Variants in TTC7A observed in about 807,000 individuals in gnomAD.
TTC7A encodes the protein tetratricopeptide repeat protein 7A.
In TTC7A, 110 loss-of-function variants were observed where a neutral mutation model predicts 103.7. That is an observed-to-expected ratio of 1.06 (90% CI 0.91 to 1.24). The LOEUF (loss-of-function observed/expected upper bound fraction) is 1.24. TTC7A is among the 50% of genes most tolerant of loss of function. The pLI is 0.00. For missense variants in TTC7A, 1,340 were observed against 1,116.3 expected, an observed-to-expected ratio of 1.20 and a Z score of -2.86; for synonymous variants, 521 against 467.9, an observed-to-expected ratio of 1.11 and a Z score of -1.47.
chr2:46,915,906 G>A (rs1490097544), upstream of TTC7A: 2 of 985,062 alleles, frequency 2.0e-6, no homozygotes, highest in South Asian at 4.7e-5. Context: ...GCGGCGGGCT[G>A]TGAGGACGGC....
chr2:46,922,659 G>T (rs1331915191), intron 2 of TTC7A, among the ~76,000 whole-genome samples: 1 of 151,944 alleles, frequency 6.6e-6, no homozygotes, highest in African/African-American at 2.4e-5. Flanking sequence ...GTGAGAGGTA[G>T]AAACCACTCA....
chr2:47,056,559 G>A (rs964166502), intron 18 of TTC7A, among the ~76,000 whole-genome samples: 7 of 152,240 alleles, frequency 4.6e-5, no homozygotes, highest in East Asian at 3.9e-4. Context: ...CCCCCTGCCC[G>A]GGGTGGGAGA....
chr2:46,950,572 C>G (rs563531351), intron 2 of TTC7A, 46 bp downstream of exon 2: 8 of 1,598,300 alleles, frequency 5.0e-6, no homozygotes, highest in Admixed American at 3.5e-5. Flanking sequence ...CCTCGTCTGT[C>G]TTGCCTCGCA....
Position 46,941,812 on chromosome 2 carries a change from C to T in TTC7A, c.184+87C>T. The T allele has an allele frequency of 2.7e-6, 4 of 1,504,982 alleles. No individual in the cohort carries two copies. The highest frequency in any genetic ancestry group is 2.3e-4 in the Middle Eastern group (1 of 4,282). 93.2% of individuals were successfully genotyped at this position (1,504,982 alleles called of 1,614,324 possible). ...GGAAGCGCGCCCAGACAGTCCTCGG[C>T]CGACAGCGGGCGCCTGCCAGCCCAC... On this transcript the variant is annotated intron_variant, in intron 1 of 19. Transcript: ENST00000319190. The surrounding 1 kb of genome is among the most constrained non-coding windows in gnomAD (Gnocchi z 4.2).
At chr2:47,006,138 C>T in intron 9 of TTC7A, 79 bp downstream of exon 9, 1 of 1,550,834 alleles carries the variant, frequency 6.4e-7, no homozygotes, top group Non-Finnish European at 8.8e-7. Flanking sequence ...CCATTTGTCC[C>T]TTCTCCACCT....
At position 47,073,753 on chromosome 2, in the gene TTC7A, C is replaced by T. The variant is rs374843304; in HGVS notation, c.2407C>T (p.Arg803Cys). ...CAAGAGCTTGGCCCAGAAGGTGCTT[C>T]GTGATGCCGTGGAGAGGCAGAGTAC... is the stretch of plus-strand genomic sequence containing the variant. ...GHKSLAQKVL[R>C]DAVERQSTCH... Residue 803 changes from arginine (R) to cysteine (C), a missense_variant, in exon 20 of 20, where the codon CGT becomes TGT. Coordinates refer to ENST00000319190, the MANE Select transcript of TTC7A (RefSeq NM_020458.4). 2.2e-5 allele frequency: 35 copies of T among 1,613,690 alleles called. No homozygotes were observed. In the African/African-American group the frequency reaches 3.3e-4, roughly 15 times the overall value.
chr2:47,046,785 A>G (rs180670954), intron 16 of TTC7A: 7 of 268,908 alleles, frequency 2.6e-5, no homozygotes, highest in African/African-American at 4.4e-5. Flanking sequence ...CAGTGAGGAA[A>G]CTCAGACACA....
intron 2 of TTC7A, among the ~76,000 whole-genome samples, chr2:46,921,443 C>G (rs898893925): frequency 1.3e-5 from 2 of 152,146 alleles, no homozygotes; most frequent in Non-Finnish European, 2.9e-5. Context: ...AAGTCTAATT[C>G]AGTTATTGAA....
intron 3 of TTC7A, chr2:46,974,647 TA>T: frequency 2.1e-6 from 1 of 469,966 alleles, no homozygotes; most frequent in Non-Finnish European, 4.2e-6. Flanking sequence ...AAGAAAAAAA[TA>T]AATTTTTTTA....
chr2:47,027,652 A>G (rs1217777341), intron 14 of TTC7A, among the ~76,000 whole-genome samples: 1 of 152,244 alleles, frequency 6.6e-6, no homozygotes, highest in Non-Finnish European at 1.5e-5. Flanking sequence ...GGACCCCTCC[A>G]CTTGCCAAAA....
chr2:47,069,606 C>T (rs2692221), intron 19 of TTC7A, among the ~76,000 whole-genome samples: 79,793 of 152,064 alleles, frequency 0.52, 23,116 homozygotes, highest in Non-Finnish European at 0.66. Context: ...GCCCTGGCTC[C>T]AGGAGGCCTG....
At chr2:46,925,762 T>C (rs1000685787) in intron 2 of TTC7A, among the ~76,000 whole-genome samples, 6 of 152,156 alleles carry the variant, frequency 3.9e-5, no homozygotes. Context: ...GGAAAGACCA[T>C]GTTAACCCCC....
chr2:47,061,009 C>T (rs1683739742), intron 19 of TTC7A, 38 bp downstream of exon 19: 1 of 1,543,976 alleles, frequency 6.5e-7, no homozygotes, highest in Admixed American at 1.9e-5. Context: ...CACCTCCTCC[C>T]ACAGCCTCAG....
At chr2:46,984,125 G>C (rs1022026296) in intron 5 of TTC7A, among the ~76,000 whole-genome samples, 2 of 152,238 alleles carry the variant, frequency 1.3e-5, no homozygotes, top group African/African-American at 4.8e-5. Flanking sequence ...GGGAAATCGA[G>C]GCACGGGGAA....
intron 19 of TTC7A, among the ~76,000 whole-genome samples, chr2:47,071,995 C>G (rs935932424): frequency 1.3e-5 from 2 of 152,240 alleles, no homozygotes; most frequent in African/African-American, 4.8e-5. Flanking sequence ...GGCTCAAACC[C>G]TCCATTTTTG....
upstream of TTC7A, chr2:46,916,023 C>T (rs1668766137): frequency 6.1e-6 from 6 of 985,302 alleles, no homozygotes; most frequent in Admixed American, 6.1e-5. Flanking sequence ...CCAGTTGGGC[C>T]GCTGGACGCC....
At chr2:47,028,584 G>A (rs4952862) in intron 14 of TTC7A, among the ~76,000 whole-genome samples, 28,268 of 152,156 alleles carry the variant, frequency 0.19, 3,322 homozygotes, top group East Asian at 0.6. Flanking sequence ...CCACCACATG[G>A]AAGGAAAGGC....
In TTC7A at chr2:47,051,877, G is replaced by A. The variant is rs934048140; in HGVS notation, c.2149G>A (p.Ala717Thr). ...WTTLEQIWLQAAELFMEQQHL... is the reference protein window; with the variant it reads ...WTTLEQIWLQTAELFMEQQHL... ...CACGCTGGAACAGATCTGGCTGCAG[G>A]CTGGTGAGTGCCCTGGTCCCAGTGA... The change falls in exon 18 of 20, where the codon GCT (alanine) becomes ACT (threonine). Residue 717 changes from alanine to threonine, a missense_variant. By Grantham distance (58) the Ala-to-Thr change is moderately conservative. Coordinates refer to ENST00000319190, the MANE Select transcript of TTC7A (RefSeq NM_020458.4). 6.2e-6 allele frequency: 10 copies of A among 1,607,922 alleles called. No homozygotes were observed. The highest frequency in any genetic ancestry group is 8.5e-6 in the Non-Finnish European group (10 of 1,177,670).
chr2:47,071,579 C>T (rs1353681671), intron 19 of TTC7A, among the ~76,000 whole-genome samples: 1 of 152,238 alleles, frequency 6.6e-6, no homozygotes. Context: ...ATGAGGAAAC[C>T]ACAGCTCAGA....
Sources: gnomAD v4.1 joint callset for allele counts (sites outside exome capture counted in the v4.1 genomes callset) on GRCh38, gnomAD v4.1.1 for gene constraint, Gnocchi (gnomAD v3.1) non-coding constraint, MANE v1.5 for transcripts, NCBI Gene and HGNC (gene_info 2026-07-23, HGNC 2026-07-21) for gene names.